RPS6: variants seen among roughly 807,000 people sequenced by gnomAD.
RPS6 encodes ribosomal protein S6.
Under a neutral mutation model 27.1 loss-of-function variants are expected in RPS6, and 1 was observed. The observed-to-expected ratio is 0.04, with a 90% CI of 0.01 to 0.18. The LOEUF (loss-of-function observed/expected upper bound fraction) is 0.18, where lower values mean the gene tolerates loss of function less well. RPS6 is among the 10% of genes least tolerant of loss of function. The pLI is 1.00. For synonymous variants in RPS6, 152 were observed against 106.0 expected (o/e 1.43, Z -2.66); for missense variants, 259 against 319.1 (o/e 0.81, Z 1.44).
rs534964910 is a variant in RPS6 at position 19,379,656 on chromosome 9, T to A, written c.7-38A>T. The A allele has an allele frequency of 1.1e-4, 176 of 1,587,062 alleles. 2 individuals are homozygous for A. The South Asian group carries it at 1.9e-3, about 17-fold the overall frequency. On this transcript the variant is annotated intron_variant, in intron 1 of 5. Transcript: ENST00000380394. ...AGGGGGGAAATAGTTTACGAAACTA[T>A]CTATACAGGTAATTGTAGAGCCATC...
Position 19,376,390 on chromosome 9 carries a change from T to TC in RPS6, c.655-3_655-2insG. ...TTCCTGGCGCTTCTCCTTAGCCTCC[T>TC]AAACAAAACAAAACAGCAAACAGTT... is the stretch of plus-strand genomic sequence containing the variant. On this transcript the variant is annotated splice_polypyrimidine_tract_variant and splice_region_variant and intron_variant, in intron 5 of 5. Coordinates refer to ENST00000380394, the MANE Select transcript of RPS6 (RefSeq NM_001010.3). The TC allele has an allele frequency of 6.2e-7, 1 of 1,613,888 alleles. No individual in the cohort carries two copies.
At position 19,379,524 on chromosome 9, in the gene RPS6, G is replaced by A. The variant is rs1383109703; in HGVS notation, c.101C>T (p.Thr34Ile). 6.2e-7 allele frequency: 1 copy of A among 1,614,094 alleles called. No individual in the cohort carries two copies. Among genetic ancestry groups the A allele is most frequent in the African/African-American group, 1.3e-5 (1 of 74,994 alleles). ...LRTFYEKRMA[T>I]EVAADALGEE... ...ACCCAGAGCGTCAGCAGCAACTTCT[G>A]TGGCCATACGCTTCTCATAGAAAGT... Residue 34 changes from threonine to isoleucine, a missense_variant, in exon 2 of 6, where the codon ACA (threonine) becomes ATA (isoleucine). Thr to Ile is a moderately conservative substitution (Grantham distance 89). Transcript: ENST00000380394.
intron 2 of RPS6, chr9:19,379,188 C>G: frequency 1.0e-6 from 1 of 971,404 alleles, no homozygotes; most frequent in Non-Finnish European, 1.5e-6. Flanking sequence ...CAGCAACAAA[C>G]AAATCAGATA....
chr9:19,376,176 A>ATGG lies in RPS6; in HGVS notation c.*116_*117insCCA. On this transcript the variant is annotated 3_prime_UTR_variant, in exon 6 of 6. Coordinates refer to ENST00000380394, the MANE Select transcript of RPS6 (RefSeq NM_001010.3). ...TCCACCATTGGAATACCATATATAC[A>ATGG]TATCCCCATTTTCTATGACCTAACT... 1 of 836,864 alleles carries ATGG rather than the reference A, an allele frequency of 1.2e-6. No homozygotes were observed. Among genetic ancestry groups the ATGG allele is most frequent in the Non-Finnish European group, 1.9e-6 (1 of 523,542 alleles). The allele number at this position is 836,864 out of a possible 1,614,324, so 51.8% of individuals were successfully genotyped here.
Position 19,376,656 on chromosome 9 carries a change from A to C in RPS6, c.497-5T>G. On this transcript the variant is annotated splice_region_variant and splice_polypyrimidine_tract_variant and intron_variant, in intron 4 of 5. Coordinates refer to ENST00000380394, the MANE Select transcript of RPS6 (RefSeq NM_001010.3). Reference sequence around the variant, plus strand: ...CTTTGGTCCTAGGTTTCTTACCTAAAAATTCAAAGGACTCAATCATTTCAA... The same window carrying C: ...CTTTGGTCCTAGGTTTCTTACCTAACAATTCAAAGGACTCAATCATTTCAA... 1 of 1,598,586 alleles carries C rather than the reference A, an allele frequency of 6.3e-7. No homozygotes were observed.
chr9:19,380,153 C>T (rs1346299970), intron 1 of RPS6, 37 bp downstream of exon 1: 1 of 1,613,732 alleles, frequency 6.2e-7, no homozygotes. Flanking sequence ...GATTCACGTT[C>T]CCCAAACCCA....
At chr9:19,378,000 T>G (rs1286516357) in intron 4 of RPS6, among the ~76,000 whole-genome samples, 1 of 152,182 alleles carries the variant, frequency 6.6e-6, no homozygotes, top group Non-Finnish European at 1.5e-5. Context: ...TAAAAAATAT[T>G]AATAATTTAG....
rs752700254 is a variant in RPS6 at position 19,379,321 on chromosome 9, C to G, written c.138+166G>C. On this transcript the variant is annotated intron_variant, in intron 2 of 5. Coordinates refer to ENST00000380394, the MANE Select transcript of RPS6 (RefSeq NM_001010.3). ...GTATATTTTATGGCTTACTCTACGTCCCCCCCTCCAAGGTAATACCTCTAA... is the reference window on the plus strand; with the variant it reads ...GTATATTTTATGGCTTACTCTACGTGCCCCCCTCCAAGGTAATACCTCTAA... 21 of 1,504,872 alleles carry G rather than the reference C, an allele frequency of 1.4e-5. No homozygotes were observed. In the Admixed American group the frequency reaches 1.6e-4, roughly 12 times the overall value. The allele number at this position is 1,504,872 out of a possible 1,614,324, so 93.2% of individuals were successfully genotyped here.
chr9:19,376,306 G>C lies in RPS6; in HGVS notation c.737C>G (p.Ser246Cys), dbSNP rs1395392852. Reference protein sequence around the residue: ...SLRASTSKSESSQK With the variant: ...SLRASTSKSECSQK ...ACTCAAAAAATCTTATTTCTGACTG[G>C]ATTCAGACTTAGAAGTAGAAGCTCG... The change falls in exon 6 of 6, where the codon TCC becomes TGC. Residue 246 changes from serine to cysteine, a missense_variant. Ser to Cys is a moderately radical substitution (Grantham distance 112, BLOSUM62 -1). Around this residue, in one of 3 missense-constraint regions of RPS6, gnomAD observed 191 missense variants for 231.6 expected, o/e 0.82. Coordinates refer to ENST00000380394, the MANE Select transcript of RPS6 (RefSeq NM_001010.3). 3 of 1,612,844 alleles carry C rather than the reference G, an allele frequency of 1.9e-6. No individual in the cohort carries two copies. The Admixed American group carries it at 5.0e-5, about 27-fold the overall frequency.
intron 1 of RPS6, chr9:19,379,920 T>C (rs1829651147): frequency 7.0e-7 from 1 of 1,429,232 alleles, no homozygotes; most frequent in Non-Finnish European, 9.1e-7. Flanking sequence ...ACCACAGGCC[T>C]GCCGCAAACT....
rs749484981 is a variant in RPS6, at chr9:19,379,548, G to C, written c.77C>G (p.Thr26Ser). 1.9e-6 allele frequency: 3 copies of C among 1,614,080 alleles called. No individual in the cohort carries two copies. The highest frequency in any genetic ancestry group is 2.5e-6 in the Non-Finnish European group (3 of 1,180,050). Reference protein sequence around the residue: ...IEVDDERKLRTFYEKRMATEV... With the variant: ...IEVDDERKLRSFYEKRMATEV... ...TGTGGCCATACGCTTCTCATAGAAAGTACGAAGTTTGCGTTCATCGTCCAC... is the reference window on the plus strand; with the variant it reads ...TGTGGCCATACGCTTCTCATAGAAACTACGAAGTTTGCGTTCATCGTCCAC... Residue 26 changes from threonine to serine, a missense_variant, in exon 2 of 6, where the codon ACT becomes AGT. Transcript: ENST00000380394.
intron 5 of RPS6, 51 bp from the exon 6 acceptor site, chr9:19,376,439 C>G (rs779813261): frequency 4.3e-5 from 69 of 1,612,402 alleles, no homozygotes; most frequent in Non-Finnish European, 5.3e-5. Flanking sequence ...GTTAAAGACG[C>G]AAATCCAAAG....
chr9:19,376,157 A>G lies in RPS6; in HGVS notation c.*136T>C. 2.7e-6 allele frequency: 2 copies of G among 728,556 alleles called. No individual in the cohort carries two copies. The highest frequency in any genetic ancestry group is 4.5e-6 in the Non-Finnish European group (2 of 443,206). 45.1% of individuals were successfully genotyped at this position (728,556 alleles called of 1,614,324 possible). On this transcript the variant is annotated 3_prime_UTR_variant, in exon 6 of 6. Coordinates refer to ENST00000380394, the MANE Select transcript of RPS6 (RefSeq NM_001010.3). Reference sequence around the variant, plus strand: ...CACAATAGGTCTGACTTTATCCACCATTGGAATACCATATATACATATCCC... The same window carrying G: ...CACAATAGGTCTGACTTTATCCACCGTTGGAATACCATATATACATATCCC...
chr9:19,380,181 A>T lies in RPS6; in HGVS notation c.6+9T>A. The T allele has an allele frequency of 6.2e-7, 1 of 1,614,130 alleles. No individual in the cohort carries two copies. On this transcript the variant is annotated intron_variant, in intron 1 of 5. Coordinates refer to ENST00000380394, the MANE Select transcript of RPS6 (RefSeq NM_001010.3). The stretch of plus-strand genomic sequence containing the variant: ...CAAACCCAGTCTAACACTCGCCACC[A>T]TCACCTACCTTCATCTTGAAGCAGC...
At position 19,380,212 on chromosome 9, in the gene RPS6, G is replaced by T; in HGVS notation, c.-17C>A. 1 of 1,613,380 alleles carries T rather than the reference G, an allele frequency of 6.2e-7. No individual in the cohort carries two copies. Among genetic ancestry groups the T allele is most frequent in the East Asian group, 2.2e-5 (1 of 44,856 alleles). ...TACCTTCATCTTGAAGCAGCTGAACGCCTCCGAGGCGCCACGGAAAAGAGG... is the reference window on the plus strand; with the variant it reads ...TACCTTCATCTTGAAGCAGCTGAACTCCTCCGAGGCGCCACGGAAAAGAGG... On this transcript the variant is annotated 5_prime_UTR_variant, in exon 1 of 6. Transcript: ENST00000380394.
In RPS6 at chr9:19,376,666, G is replaced by A. The variant is rs1196324878; in HGVS notation, c.497-15C>T. The A allele has an allele frequency of 1.3e-6, 2 of 1,590,740 alleles. No homozygotes were observed. The highest frequency in any genetic ancestry group is 1.9e-5 in the Admixed American group (1 of 52,528). On this transcript the variant is annotated splice_polypyrimidine_tract_variant and intron_variant, in intron 4 of 5. Transcript: ENST00000380394. ...AGGTTTCTTACCTAAAAATTCAAAG[G>A]ACTCAATCATTTCAATATTTGTTTT...
rs1829573391 is a variant in RPS6, at chr9:19,376,010, T to C, written c.*283A>G. Reference sequence around the variant, plus strand: ...ATATAAAAAAGATTAATAGTCCTCATCATTTCCCCTAAGTTCCATGCCATT... The same window carrying C: ...ATATAAAAAAGATTAATAGTCCTCACCATTTCCCCTAAGTTCCATGCCATT... On this transcript the variant is annotated 3_prime_UTR_variant, in exon 6 of 6. Coordinates refer to ENST00000380394, the MANE Select transcript of RPS6 (RefSeq NM_001010.3). 7.0e-6 allele frequency: 2 copies of C among 286,852 alleles called. No individual in the cohort carries two copies. Among genetic ancestry groups the C allele is most frequent in the Admixed American group, 4.6e-5 (1 of 21,606 alleles). 17.8% of individuals were successfully genotyped at this position (286,852 alleles called of 1,614,324 possible).
rs754315186 is a variant in RPS6 at position 19,378,359 on chromosome 9, C to T, written c.496+9G>A. 15 of 1,610,588 alleles carry T rather than the reference C, an allele frequency of 9.3e-6. No individual in the cohort carries two copies. The African/African-American group carries it at 2.0e-4, about 22-fold the overall frequency. ...ATTAAGCAAGCCCTAATTGCATAATCCCTCCTACCTTCTTTATTTAAGGGC... is the reference window on the plus strand; with the variant it reads ...ATTAAGCAAGCCCTAATTGCATAATTCCTCCTACCTTCTTTATTTAAGGGC... On this transcript the variant is annotated intron_variant, in intron 4 of 5. Transcript: ENST00000380394.
intron 1 of RPS6, 142 bp downstream of exon 1, chr9:19,380,048 C>A: frequency 6.3e-7 from 1 of 1,582,730 alleles, no homozygotes; most frequent in South Asian, 1.1e-5. Flanking sequence ...CTCCATGCCC[C>A]AGAAAGGCGA....
Sources: allele counts gnomAD v4.1 joint callset (sites outside exome capture counted in the v4.1 genomes callset), GRCh38; gene constraint gnomAD v4.1.1; regional missense constraint gnomAD v4.1.1; transcripts MANE v1.5; gene names NCBI Gene and HGNC (gene_info 2026-07-23, HGNC 2026-07-21).